Variants in SIMC1 observed in about 807,000 individuals in gnomAD.
The protein encoded by SIMC1 is SUMO-interacting motif-containing protein 1.
SIMC1 carries 55 observed loss-of-function variants against 82.3 expected under a neutral mutation model. That is an observed-to-expected ratio of 0.67 (90% confidence interval 0.54 to 0.84). The LOEUF (loss-of-function observed/expected upper bound fraction) is 0.84, where lower values mean the gene tolerates loss of function less well. Among genes scored for constraint, SIMC1 ranks in the 40% least tolerant of loss-of-function variants. SIMC1 has a pLI of 0.00. For missense variants in SIMC1, 915 were observed against 1,107.2 expected (o/e 0.83, Z 2.46); for synonymous variants, 353 against 426.3 (o/e 0.83, Z 2.12).
intron 4 of SIMC1, 25 bp from the exon 5 acceptor site, chr5:176,313,666 T>C (rs567565220): frequency 1.2e-6 from 2 of 1,612,174 alleles, no homozygotes; most frequent in South Asian, 1.1e-5. Context: ...GAAGAAAGAC[T>C]GACTTCTCAT....
intron 1 of SIMC1, among the ~76,000 whole-genome samples, chr5:176,271,892 A>G (rs188621605): frequency 2.4e-5 from 3 of 125,294 alleles, no homozygotes; most frequent in African/African-American, 7.6e-5. Context: ...TATATATATA[A>G]TTATTATACA....
At chr5:176,304,759 C>T (rs1409473329) in intron 4 of SIMC1, among the ~76,000 whole-genome samples, 3 of 151,314 alleles carry the variant, frequency 2.0e-5, no homozygotes, top group Admixed American at 6.6e-5. Flanking sequence ...TCTTCCCAGC[C>T]GCCATCCATC....
At chr5:176,345,153 G>A (rs777950161) in intron 9 of SIMC1, 30 bp from the exon 10 acceptor site, 5 of 1,600,970 alleles carry the variant, frequency 3.1e-6, no homozygotes, top group African/African-American at 1.3e-5. Flanking sequence ...GCAGTTCAGA[G>A]CACCCAACTG....
intron 1 of SIMC1, among the ~76,000 whole-genome samples, chr5:176,256,198 A>G (rs1352160408): frequency 6.6e-6 from 1 of 152,230 alleles, no homozygotes; most frequent in Non-Finnish European, 1.5e-5. Context: ...AAATTTCAGA[A>G]TTAGGTCAAA....
chr5:176,304,716 G>T (rs1305290663), intron 4 of SIMC1, among the ~76,000 whole-genome samples: 1 of 149,746 alleles, frequency 6.7e-6, no homozygotes, highest in South Asian at 2.1e-4. Context: ...GTCTCCGCCC[G>T]GCCGCCATCC....
At chr5:176,321,196 G>A (rs372833040) in intron 5 of SIMC1, among the ~76,000 whole-genome samples, 1 of 151,874 alleles carries the variant, frequency 6.6e-6, no homozygotes, top group Admixed American at 6.6e-5. Flanking sequence ...ATATTAAAAG[G>A]TATCATGCTA....
chr5:176,343,688 CTTCAGCATG>C (rs956078497), intron 9 of SIMC1, among the ~76,000 whole-genome samples: 7 of 152,214 alleles, frequency 4.6e-5, no homozygotes, highest in Non-Finnish European at 7.4e-5. Context: ...TGCTTAAGTA[CTTCAGCATG>C]TTCAGCATGT....
chr5:176,291,609 T>G (rs1763578765), intron 2 of SIMC1, among the ~76,000 whole-genome samples: 1 of 151,964 alleles, frequency 6.6e-6, no homozygotes, highest in African/African-American at 2.4e-5. Context: ...GTGCTAGGAT[T>G]ACAGGCGTGA....
intron 1 of SIMC1, among the ~76,000 whole-genome samples, chr5:176,251,209 A>G (rs182755543): frequency 3.3e-5 from 5 of 152,106 alleles, no homozygotes; most frequent in African/African-American, 9.7e-5. Context: ...AAAATACACA[A>G]ATTAGCTAGG....
chr5:176,304,874 C>CA (rs1489037429), intron 4 of SIMC1, among the ~76,000 whole-genome samples: 1 of 147,154 alleles, frequency 6.8e-6, no homozygotes, highest in Non-Finnish European at 1.5e-5. Flanking sequence ...TCTGCCTGGC[C>CA]GAGACCCCGT....
intron 2 of SIMC1, among the ~76,000 whole-genome samples, chr5:176,291,627 C>T (rs938732596): frequency 5.3e-5 from 8 of 151,626 alleles, no homozygotes; most frequent in Non-Finnish European, 1.0e-4. Context: ...TGAGCCACCG[C>T]GCCTGGCACG....
chr5:176,320,561 G>T (rs935837732), intron 5 of SIMC1, among the ~76,000 whole-genome samples: 3 of 151,854 alleles, frequency 2.0e-5, no homozygotes, highest in Non-Finnish European at 2.9e-5. Flanking sequence ...GTAGAAACAG[G>T]TTTTCACCAT....
At chr5:176,262,111 T>G (rs1262798990) in intron 1 of SIMC1, among the ~76,000 whole-genome samples, 1 of 151,362 alleles carries the variant, frequency 6.6e-6, no homozygotes, top group Non-Finnish European at 1.5e-5. Flanking sequence ...CAAAAAGAAT[T>G]ACACATCGTG....
chr5:176,313,313 G>T, intron 4 of SIMC1: 1 of 1,463,630 alleles, frequency 6.8e-7, no homozygotes, highest in East Asian at 2.5e-5. Context: ...TCAGTGAGAG[G>T]GAGAGATTGA....
intron 7 of SIMC1, among the ~76,000 whole-genome samples, chr5:176,328,145 G>A (rs1372892791): frequency 6.6e-6 from 1 of 152,110 alleles, no homozygotes; most frequent in African/African-American, 2.4e-5. Context: ...CAGATGATCT[G>A]CCCACCTCAG....
At chr5:176,333,895 T>TA (rs1189356043) in intron 7 of SIMC1, among the ~76,000 whole-genome samples, 1 of 152,122 alleles carries the variant, frequency 6.6e-6, no homozygotes, top group Non-Finnish European at 1.5e-5. Context: ...CAATAGTCTT[T>TA]AAAATCCATT....
chr5:176,323,739 C>T (rs1398869276), intron 6 of SIMC1, among the ~76,000 whole-genome samples: 1 of 152,146 alleles, frequency 6.6e-6, no homozygotes, highest in African/African-American at 2.4e-5. Flanking sequence ...GTAATCCCAG[C>T]ACTTTGGGAG....
intron 1 of SIMC1, among the ~76,000 whole-genome samples, chr5:176,276,668 A>G (rs1296479734): frequency 9.9e-5 from 14 of 140,920 alleles, no homozygotes; most frequent in East Asian, 4.3e-4. Flanking sequence ...TCATTGTTCA[A>G]TTCCCACCTA....
chr5:176,329,541 A>G lies in SIMC1; in HGVS notation c.2171+4784A>G, dbSNP rs192148779. On this transcript the variant is annotated intron_variant, in intron 7 of 9. Transcript: ENST00000429602. ...AATGTATAGCTATTCCATCATCACA[A>G]GGATTCCTTGTGCTACCCTTTTATA... 2.5e-3 allele frequency among the ~76,000 whole-genome samples: 386 copies of G among 151,962 alleles called. 3 individuals are homozygous for G. Among genetic ancestry groups the G allele is most frequent in the Non-Finnish European group, 4.4e-3 (301 of 67,950 alleles).
Sources: gnomAD v4.1 joint callset for allele counts (sites outside exome capture counted in the v4.1 genomes callset) on GRCh38, gnomAD v4.1.1 for gene constraint, MANE v1.5 for transcripts, NCBI Gene and HGNC (gene_info 2026-07-23, HGNC 2026-07-21) for gene names.